The following FHIT variants were observed in gnomAD, a reference collection of about 807,000 sequenced individuals.
FHIT encodes the protein fragile histidine triad diadenosine triphosphatase.
Under a neutral mutation model 17.9 loss-of-function variants are expected in FHIT, and 19 were observed. The ratio of observed to expected loss-of-function variants is 1.06; its 90% CI spans 0.74 to 1.56. The LOEUF is 1.56. FHIT is among the 40% of genes most tolerant of loss of function. FHIT has a pLI of 0.00. For synonymous variants in FHIT, 81 were observed against 69.7 expected (o/e 1.16, Z -0.81); for missense variants, 248 against 189.2 (o/e 1.31, Z -1.82).
chr3:60,316,433 CTTAGAGCCTATTCATTAAGCAT>C lies in FHIT; in HGVS notation c.103+220405_103+220426del, dbSNP rs1559813568. ...CTTAGGATAGGTTGAAAATTAAAGCCTTAGAGCCTATTCATTAAGCATTTAGGACAAGTGAGTAAGCAAAAAA... is the reference window on the plus strand; with the variant it reads ...CTTAGGATAGGTTGAAAATTAAAGCCTTAGGACAAGTGAGTAAGCAAAAAA... On this transcript the variant is annotated intron_variant, in intron 5 of 9. Coordinates refer to ENST00000492590, the MANE Select transcript of FHIT (RefSeq NM_002012.4). Among the ~76,000 whole-genome samples, 3 of 152,088 alleles carry C rather than the reference CTTAGAGCCTATTCATTAAGCAT, an allele frequency of 2.0e-5. No homozygotes were observed. The South Asian group carries it at 6.2e-4, about 32-fold the overall frequency.
chr3:61,104,875 T>C (rs2106866257), intron 2 of FHIT, among the ~76,000 whole-genome samples: 1 of 152,264 alleles, frequency 6.6e-6, no homozygotes, highest in South Asian at 2.1e-4. Context: ...ATACTTGTGA[T>C]TGCATTATGA....
At chr3:61,203,916 TG>T (rs2039118234) in intron 1 of FHIT, among the ~76,000 whole-genome samples, 1 of 152,246 alleles carries the variant, frequency 6.6e-6, no homozygotes. Context: ...ACAAATGTAT[TG>T]CCAGGATGGC....
chr3:60,929,751 T>C (rs1334393191), intron 3 of FHIT, among the ~76,000 whole-genome samples: 3 of 152,086 alleles, frequency 2.0e-5, no homozygotes, highest in Non-Finnish European at 4.4e-5. Context: ...TGCTCATGGG[T>C]AGGAAGAATC....
At chr3:60,047,908 C>G (rs1372961943) in intron 5 of FHIT, among the ~76,000 whole-genome samples, 2 of 152,128 alleles carry the variant, frequency 1.3e-5, no homozygotes, top group South Asian at 2.1e-4. Context: ...GTAGGTGTAT[C>G]AGTTTGGTGG....
intron 5 of FHIT, among the ~76,000 whole-genome samples, chr3:60,154,126 G>C (rs6773713): frequency 5.3e-5 from 8 of 152,028 alleles, no homozygotes; most frequent in Non-Finnish European, 1.0e-4. Flanking sequence ...AACCCACTTA[G>C]GCCTAGTGTT....
chr3:60,762,070 A>C (rs1261939205), intron 4 of FHIT, among the ~76,000 whole-genome samples: 1 of 152,218 alleles, frequency 6.6e-6, no homozygotes, highest in Non-Finnish European at 1.5e-5. Flanking sequence ...CCAATCAAGG[A>C]TAGACACCTC....
intron 7 of FHIT, among the ~76,000 whole-genome samples, chr3:59,993,026 A>G (rs1482951420): frequency 1.3e-5 from 2 of 152,054 alleles, no homozygotes; most frequent in Non-Finnish European, 2.9e-5. Flanking sequence ...AAAAACAAAC[A>G]TATCTCATCC....
chr3:60,776,304 G>A (rs782476951), intron 4 of FHIT, among the ~76,000 whole-genome samples: 14 of 152,266 alleles, frequency 9.2e-5, no homozygotes, highest in African/African-American at 2.4e-4. Flanking sequence ...TGTGTGTACT[G>A]TACGTAATGT....
chr3:60,280,750 T>C (rs1226177447), intron 5 of FHIT, among the ~76,000 whole-genome samples: 1 of 152,172 alleles, frequency 6.6e-6, no homozygotes, highest in Non-Finnish European at 1.5e-5. Context: ...AATAATTTGA[T>C]ATAGCAAGCT....
intron 5 of FHIT, among the ~76,000 whole-genome samples, chr3:60,190,851 G>A (rs1385580186): frequency 6.6e-6 from 1 of 152,096 alleles, no homozygotes; most frequent in Non-Finnish European, 1.5e-5. Context: ...ACTGAGGCAT[G>A]AGAATCCCTT....
rs34264470 is a variant in FHIT at position 60,412,192 on chromosome 3, T to C, written c.103+124668A>G. 7.8e-3 allele frequency among the ~76,000 whole-genome samples: 1,182 copies of C among 152,104 alleles called. 8 individuals carry two copies. The highest frequency in any genetic ancestry group is 0.017 in the Middle Eastern group (5 of 294). On this transcript the variant is annotated intron_variant, in intron 5 of 9. Transcript: ENST00000492590. ...GAGTTTCAGTCTAGCGTGGGCAACA[T>C]AGTGAGACTCCCATCTCTAAAGGTA...
At chr3:60,032,862 T>C (rs562456151) in intron 5 of FHIT, among the ~76,000 whole-genome samples, 1 of 152,204 alleles carries the variant, frequency 6.6e-6, no homozygotes, top group Non-Finnish European at 1.5e-5. Flanking sequence ...TTTACTTAAG[T>C]GTATAATCAG....
At chr3:59,834,407 T>C (rs756416773) in intron 8 of FHIT, among the ~76,000 whole-genome samples, 1 of 152,080 alleles carries the variant, frequency 6.6e-6, no homozygotes, top group Non-Finnish European at 1.5e-5. Flanking sequence ...GACATATAGA[T>C]AGATGATAGA....
chr3:60,075,218 A>T (rs1161887334), intron 5 of FHIT, among the ~76,000 whole-genome samples: 1 of 152,082 alleles, frequency 6.6e-6, no homozygotes, highest in Admixed American at 6.6e-5. Context: ...CTGTCAGGAG[A>T]ACCAATGGAA....
chr3:60,105,709 T>C (rs1414525393), intron 5 of FHIT, among the ~76,000 whole-genome samples: 1 of 152,038 alleles, frequency 6.6e-6, no homozygotes, highest in African/African-American at 2.4e-5. Flanking sequence ...ATGTAGCAGC[T>C]TTCACACCCA....
At chr3:61,180,152 A>G (rs1210953688) in intron 2 of FHIT, among the ~76,000 whole-genome samples, 1 of 152,196 alleles carries the variant, frequency 6.6e-6, no homozygotes, top group East Asian at 1.9e-4. Context: ...TCACGGCATC[A>G]ATTTATATAG....
intron 4 of FHIT, among the ~76,000 whole-genome samples, chr3:60,759,994 CCTTT>C (rs1295984715): frequency 2.0e-5 from 3 of 151,652 alleles, no homozygotes; most frequent in Non-Finnish European, 4.4e-5. Flanking sequence ...TTTCTTCCTT[CCTTT>C]ATCTTTCTTT....
At chr3:61,051,683 T>C (rs1307415756) in intron 2 of FHIT, among the ~76,000 whole-genome samples, 3 of 151,206 alleles carry the variant, frequency 2.0e-5, no homozygotes, top group East Asian at 1.9e-4. Flanking sequence ...GCATGAATAA[T>C]AAATATGCAA....
At chr3:60,896,400 G>A (rs1705824733) in intron 3 of FHIT, among the ~76,000 whole-genome samples, 1 of 152,056 alleles carries the variant, frequency 6.6e-6, no homozygotes, top group Non-Finnish European at 1.5e-5. Context: ...TCTTCCTATT[G>A]ATACTTCTAA....
Sources: gnomAD v4.1 joint callset for allele counts (sites outside exome capture counted in the v4.1 genomes callset) on GRCh38, gnomAD v4.1.1 for gene constraint, MANE v1.5 for transcripts, NCBI Gene and HGNC (gene_info 2026-07-23, HGNC 2026-07-21) for gene names.